Variants in TCF4 observed in about 807,000 individuals in gnomAD.
TCF4 encodes SL3-3 enhancer factor 2.
A neutral mutation model predicts 82.1 loss-of-function variants in TCF4; 3 were observed. That is an observed-to-expected ratio of 0.04 (90% CI 0.02 to 0.09). TCF4 has a LOEUF of 0.09. Among genes scored for constraint, TCF4 ranks in the 10% least tolerant of loss-of-function variants. The pLI, the probability that TCF4 is intolerant of heterozygous loss-of-function variation, is 1.00. For synonymous variants in TCF4, 276 were observed against 309.6 expected, an observed-to-expected ratio of 0.89 and a Z score of 1.14; for missense variants, 518 against 852.7, an observed-to-expected ratio of 0.61 and a Z score of 4.89.
intron 6 of TCF4, among the ~76,000 whole-genome samples, chr18:55,376,079 C>T (rs1483939656): frequency 2.1e-5 from 3 of 140,056 alleles, no homozygotes; most frequent in East Asian, 2.0e-4. Flanking sequence ...TTGAATGCAG[C>T]GGCGGGATCT....
At chr18:55,399,833 C>T (rs1162825159) in intron 6 of TCF4, among the ~76,000 whole-genome samples, 2 of 149,372 alleles carry the variant, frequency 1.3e-5, no homozygotes, top group African/African-American at 2.5e-5. Flanking sequence ...CTTTCTTTCT[C>T]TCTCTCTCTC....
At chr18:55,375,485 C>T (rs149292498) in intron 6 of TCF4, among the ~76,000 whole-genome samples, 19 of 152,146 alleles carry the variant, frequency 1.2e-4, no homozygotes, top group East Asian at 1.9e-4. Context: ...CAACAAAATG[C>T]GAAGCTGACC....
intron 3 of TCF4, among the ~76,000 whole-genome samples, chr18:55,518,661 C>A (rs753238828): frequency 1.4e-4 from 22 of 152,102 alleles, no homozygotes; most frequent in Non-Finnish European, 2.5e-4. Flanking sequence ...ATGAATAACC[C>A]AGAAATATGA....
intron 9 of TCF4, among the ~76,000 whole-genome samples, chr18:55,276,954 G>GA (rs1256816058): frequency 1.3e-5 from 2 of 152,104 alleles, no homozygotes; most frequent in East Asian, 3.9e-4. Flanking sequence ...CTCTCTTTAA[G>GA]AACCATGCAA....
chr18:55,560,469 A>G (rs889140458), intron 3 of TCF4, among the ~76,000 whole-genome samples: 10 of 152,190 alleles, frequency 6.6e-5, no homozygotes, highest in Non-Finnish European at 1.3e-4. Context: ...TCCTTTGAGG[A>G]GCACCATCTT....
chr18:55,259,725 A>C lies in TCF4; in HGVS notation c.1069+224T>G, dbSNP rs2057626711. The C allele has an allele frequency of 7.3e-6, 4 of 547,250 alleles. No homozygotes were observed. The South Asian group carries it at 9.5e-5, about 13-fold the overall frequency. The allele number at this position is 547,250 out of a possible 1,614,324, so 33.9% of individuals were successfully genotyped here. A position where few individuals can be genotyped will look rare whatever the true frequency, so the allele number is the denominator to read the frequency against. On this transcript the variant is annotated intron_variant, in intron 13 of 19. Coordinates refer to ENST00000354452, the MANE Select transcript of TCF4 (RefSeq NM_001083962.2). Reference sequence around the variant, plus strand: ...AAATACATTTTCCATATGCCTGTATATTTTAAAAAGATAATCTAATTTTTA... The same window carrying C: ...AAATACATTTTCCATATGCCTGTATCTTTTAAAAAGATAATCTAATTTTTA...
At chr18:55,406,569 C>T (rs2094101205) in intron 5 of TCF4, among the ~76,000 whole-genome samples, 2 of 152,130 alleles carry the variant, frequency 1.3e-5, no homozygotes, top group South Asian at 4.1e-4. Flanking sequence ...TTTTCAAGAG[C>T]GCTGATAACA....
At chr18:55,495,726 T>C (rs1797771741) in intron 3 of TCF4, 2 of 152,174 alleles carry the variant, frequency 1.3e-5, no homozygotes, top group African/African-American at 2.4e-5. Context: ...CAAATAAGAT[T>C]GATGTTGTAG....
chr18:55,501,302 A>G (rs1235716922), intron 3 of TCF4, among the ~76,000 whole-genome samples: 3 of 152,196 alleles, frequency 2.0e-5, no homozygotes, highest in Non-Finnish European at 1.5e-5. Context: ...AACAAATTAC[A>G]TATGATTATA....
At chr18:55,497,849 ATT>A (rs2096654098) in intron 3 of TCF4, among the ~76,000 whole-genome samples, 1 of 152,186 alleles carries the variant, frequency 6.6e-6, no homozygotes, top group East Asian at 1.9e-4. Context: ...GCTACATGAA[ATT>A]GGAAGGGGAA....
At chr18:55,580,742 A>ATGTGTGTGTGTGTGTG (rs5825144) in intron 3 of TCF4, among the ~76,000 whole-genome samples, 1 of 145,284 alleles carries the variant, frequency 6.9e-6, no homozygotes, top group Non-Finnish European at 1.5e-5. Context: ...GAGCTGTCTG[A>ATGTGTGTGTGTGTGTG]TGTGTGTGTG....
upstream of TCF4, among the ~76,000 whole-genome samples, chr18:55,590,422 C>A (rs2097683041): frequency 6.6e-6 from 1 of 152,208 alleles, no homozygotes; most frequent in Admixed American, 6.5e-5. Flanking sequence ...TTGGCGAAGA[C>A]CTTCATCTAT....
rs1354544175 is a variant in TCF4, at chr18:55,464,002, G to GAA, written c.207+72_207+73dup. 15 of 1,343,000 alleles carry GAA rather than the reference G, an allele frequency of 1.1e-5. No individual in the cohort carries two copies. The Admixed American group carries it at 1.7e-4, about 15-fold the overall frequency. The allele number at this position is 1,343,000 out of a possible 1,614,324, so 83.2% of individuals were successfully genotyped here. On this transcript the variant is annotated intron_variant, in intron 4 of 19. Coordinates refer to ENST00000354452, the MANE Select transcript of TCF4 (RefSeq NM_001083962.2). Reference sequence around the variant, plus strand: ...TGAGAGAGAGAGAGAGAGAGAGAGAGAAACACACCTTCTGTTTGTCAATTT... The same window carrying GAA: ...TGAGAGAGAGAGAGAGAGAGAGAGAGAAAAACACACCTTCTGTTTGTCAATTT...
intron 2 of TCF4, among the ~76,000 whole-genome samples, chr18:55,626,714 T>C (rs956281825): frequency 6.6e-6 from 1 of 152,166 alleles, no homozygotes; most frequent in East Asian, 1.9e-4. Context: ...CAACAAGATA[T>C]CTCTAATATT....
intron 11 of TCF4, among the ~76,000 whole-genome samples, chr18:55,263,859 A>G (rs923762422): frequency 6.6e-6 from 1 of 152,062 alleles, no homozygotes; most frequent in Non-Finnish European, 1.5e-5. Flanking sequence ...TCAGAGCTAC[A>G]TTGGAAAAAT....
chr18:55,471,994 G>A (rs72928968), intron 3 of TCF4, among the ~76,000 whole-genome samples: 4,865 of 152,226 alleles, frequency 0.032, 99 homozygotes, highest in Non-Finnish European at 0.049. Context: ...AAAAGTGTTC[G>A]CAGACAATTA....
At chr18:55,586,341 G>C (rs2097650924) in intron 2 of TCF4, 1 of 642,638 alleles carries the variant, frequency 1.6e-6, no homozygotes, top group South Asian at 1.6e-5. Flanking sequence ...CATTAAAAAT[G>C]AATTCATTCT....
At chr18:55,581,874 T>C (rs1460160233) in intron 3 of TCF4, among the ~76,000 whole-genome samples, 1 of 152,114 alleles carries the variant, frequency 6.6e-6, no homozygotes, top group East Asian at 1.9e-4. Context: ...GACAATCTTT[T>C]AACAATACCT....
intron 5 of TCF4, among the ~76,000 whole-genome samples, chr18:55,443,933 T>G (rs1239012432): frequency 6.6e-6 from 1 of 152,210 alleles, no homozygotes; most frequent in Non-Finnish European, 1.5e-5. Flanking sequence ...TCCCAACAGA[T>G]GGATTTTATA....
Sources: allele counts gnomAD v4.1 joint callset (sites outside exome capture counted in the v4.1 genomes callset), GRCh38; gene constraint gnomAD v4.1.1; transcripts MANE v1.5; gene names NCBI Gene and HGNC (gene_info 2026-07-23, HGNC 2026-07-21).